Variants in OR4K1 observed in about 807,000 individuals in gnomAD.
OR4K1 encodes the protein olfactory receptor family 4 subfamily K member 1.
Under a neutral mutation model 14.4 loss-of-function variants are expected in OR4K1, and 16 were observed. That is an observed-to-expected ratio of 1.11 (90% CI 0.75 to 1.68). OR4K1 has a LOEUF of 1.68. Ranked by LOEUF, OR4K1 falls within the 40% of genes most tolerant of loss-of-function variation. The probability of loss-of-function intolerance (pLI) is 0.00; values close to 1 mark genes in which losing one functional copy is unlikely to be tolerated. For missense variants in OR4K1, 548 were observed against 376.9 expected, an observed-to-expected ratio of 1.45 and a Z score of -3.76; for synonymous variants, 181 against 133.1, an observed-to-expected ratio of 1.36 and a Z score of -2.48.
intron 1 of OR4K1, among the ~76,000 whole-genome samples, chr14:19,935,406 G>A (rs892658592): frequency 2.0e-4 from 31 of 152,128 alleles, no homozygotes; most frequent in African/African-American, 6.0e-4. Context: ...TCTTTAGTAT[G>A]TGTAGTTTTT....
intron 1 of OR4K1, 149 bp from the exon 2 acceptor site, chr14:19,935,499 G>A: frequency 1.6e-6 from 1 of 622,056 alleles, no homozygotes; most frequent in East Asian, 3.0e-5. Flanking sequence ...TTAAATATTA[G>A]TCAACTGAGT....
At chr14:19,920,931 G>A in the OR4K1 span, 1 of 1,614,156 alleles carries the variant, frequency 6.2e-7, no homozygotes, top group East Asian at 2.2e-5. Context: ...CCTTTTTACT[G>A]GAGGGGAGAT....
chr14:19,936,652 T>C lies in OR4K1; in HGVS notation c.*50T>C. On this transcript the variant is annotated 3_prime_UTR_variant, in exon 2 of 2. Transcript: ENST00000641172. Reference sequence around the variant, plus strand: ...CTGAATTAGAATGAAGACCCTCCAGTGTATCATAGTGTCATGCCAACCATC... The same window carrying C: ...CTGAATTAGAATGAAGACCCTCCAGCGTATCATAGTGTCATGCCAACCATC... 1 of 1,466,622 alleles carries C rather than the reference T, an allele frequency of 6.8e-7. No homozygotes were observed. The highest frequency in any genetic ancestry group is 9.2e-7 in the Non-Finnish European group (1 of 1,088,512). The allele number at this position is 1,466,622 out of a possible 1,614,324, so 90.9% of individuals were successfully genotyped here.
chr14:19,923,830 A>C, the OR4K1 span, among the ~76,000 whole-genome samples: 2 of 152,220 alleles, frequency 1.3e-5, no homozygotes, highest in Admixed American at 1.3e-4. Flanking sequence ...TTTTAGAGTT[A>C]CTTTTTATTC....
chr14:19,926,959 T>C (rs1391160708), upstream of OR4K1, among the ~76,000 whole-genome samples: 1 of 152,236 alleles, frequency 6.6e-6, no homozygotes, highest in Non-Finnish European at 1.5e-5. Flanking sequence ...TACCTGACCA[T>C]TGATTTCCAA....
At chr14:19,922,072 C>A in the OR4K1 span, among the ~76,000 whole-genome samples, 2 of 128,340 alleles carry the variant, frequency 1.6e-5, no homozygotes, top group African/African-American at 5.5e-5. Flanking sequence ...ATGAGACTCC[C>A]CCCCCCAAAA....
At chr14:19,929,636 G>A (rs1478900277), upstream of OR4K1, among the ~76,000 whole-genome samples, 1 of 152,138 alleles carries the variant, frequency 6.6e-6, no homozygotes, top group Non-Finnish European at 1.5e-5. Flanking sequence ...GAGCAAAATG[G>A]AATTATTAGG....
chr14:19,933,036 T>C (rs1882220886), intron 1 of OR4K1, among the ~76,000 whole-genome samples: 1 of 151,370 alleles, frequency 6.6e-6, no homozygotes, highest in Non-Finnish European at 1.5e-5. Context: ...ATTCTAATAT[T>C]TGCTGTAATA....
At chr14:19,920,571 T>A in the OR4K1 span, 1 of 1,563,384 alleles carries the variant, frequency 6.4e-7, no homozygotes, top group Admixed American at 2.0e-5. Context: ...TATCCTCCTT[T>A]AGAGTTGTTT....
At chr14:19,927,229 T>C (rs1882080315), upstream of OR4K1, among the ~76,000 whole-genome samples, 1 of 152,258 alleles carries the variant, frequency 6.6e-6, no homozygotes, top group African/African-American at 2.4e-5. Context: ...ATGACTTCAT[T>C]CTATGCCTTG....
chr14:19,920,449 C>A, the OR4K1 span: 1 of 787,774 alleles, frequency 1.3e-6, no homozygotes, highest in Non-Finnish European at 2.0e-6. Flanking sequence ...TCCAGACATA[C>A]TATTATGGCC....
intron 1 of OR4K1, among the ~76,000 whole-genome samples, chr14:19,934,485 G>A (rs1400570492): frequency 6.6e-6 from 1 of 152,212 alleles, no homozygotes; most frequent in Non-Finnish European, 1.5e-5. Context: ...CATGTTGTTG[G>A]TTATTGTTTC....
upstream of OR4K1, among the ~76,000 whole-genome samples, chr14:19,927,286 A>C (rs1242454801): frequency 1.6e-4 from 24 of 152,348 alleles, no homozygotes; most frequent in Admixed American, 8.5e-4. Flanking sequence ...ACTCACTCAG[A>C]TGACCTTCAT....
the OR4K1 span, among the ~76,000 whole-genome samples, chr14:19,924,286 G>C: frequency 2.0e-5 from 3 of 151,532 alleles, no homozygotes; most frequent in Non-Finnish European, 2.9e-5. Context: ...TATAGTCCCA[G>C]CTACTCGGGA....
chr14:19,924,019 A>G, the OR4K1 span, among the ~76,000 whole-genome samples: 1 of 152,370 alleles, frequency 6.6e-6, no homozygotes, highest in South Asian at 2.1e-4. Context: ...AATGAGAGAA[A>G]TCAGGAGCCA....
the OR4K1 span, chr14:19,920,543 T>C: frequency 1.3e-6 from 2 of 1,513,094 alleles, no homozygotes; most frequent in Non-Finnish European, 8.9e-7. Context: ...TTAATTCAAA[T>C]TCTGATTCCT....
rs754337070 is a variant in OR4K1, at chr14:19,936,225, C to T, written c.559C>T (p.Leu187=). 5.0e-6 allele frequency: 8 copies of T among 1,614,132 alleles called. No homozygotes were observed. The Admixed American group carries it at 1.0e-4, about 20-fold the overall frequency. ...TTGTGACCTTCCCTTGGTGATAGAGCTGGCTTGCATGGATACATATGAAAT... is the reference window on the plus strand; with the variant it reads ...TTGTGACCTTCCCTTGGTGATAGAGTTGGCTTGCATGGATACATATGAAAT... ...FFCDLPLVIE[L]ACMDTYEMEI... Residue 187 remains leucine, a synonymous_variant, in exon 2 of 2, where the codon CTG becomes TTG. Transcript: ENST00000641172.
At chr14:19,928,395 C>G (rs1882106907), upstream of OR4K1, among the ~76,000 whole-genome samples, 1 of 152,174 alleles carries the variant, frequency 6.6e-6, no homozygotes, top group African/African-American at 2.4e-5. Flanking sequence ...ATCTCTTCAG[C>G]TATTGTTTTA....
the OR4K1 span, among the ~76,000 whole-genome samples, chr14:19,925,790 G>A: frequency 6.6e-6 from 1 of 152,250 alleles, no homozygotes. Flanking sequence ...AGGCCAACGG[G>A]ATAAAGGATG....
Sources: gnomAD v4.1 joint callset for allele counts (sites outside exome capture counted in the v4.1 genomes callset) on GRCh38, gnomAD v4.1.1 for gene constraint, MANE v1.5 for transcripts, NCBI Gene and HGNC (gene_info 2026-07-23, HGNC 2026-07-21) for gene names.